CREBZF: variants seen among roughly 807,000 people sequenced by gnomAD.
The protein encoded by CREBZF is HCF-binding transcription factor Zhangfei.
A neutral mutation model predicts 21.1 loss-of-function variants in CREBZF; 8 were observed. The ratio of observed to expected loss-of-function variants is 0.38; its 90% CI spans 0.22 to 0.68. The LOEUF (loss-of-function observed/expected upper bound fraction) is 0.68, where lower values mean the gene tolerates loss of function less well. Ranked by LOEUF, CREBZF falls within the 30% of genes least tolerant of loss-of-function variation. The pLI, the probability that CREBZF is intolerant of heterozygous loss-of-function variation, is 0.51. For missense variants in CREBZF, 518 were observed against 484.3 expected, an observed-to-expected ratio of 1.07 and a Z score of -0.65; for synonymous variants, 270 against 223.3, an observed-to-expected ratio of 1.21 and a Z score of -1.86.
At position 85,662,681 on chromosome 11, in the gene CREBZF, A is replaced by C. The variant is rs1017872697; in HGVS notation, c.*1130T>G. On this transcript the variant is annotated 3_prime_UTR_variant, in exon 1 of 1. Coordinates refer to ENST00000527447, the MANE Select transcript of CREBZF (RefSeq NM_001039618.4). ...TCAATTTAAAAAATTATTTTAAAAT[A>C]GGACAAATACTTTTGAAACACAGAG... The C allele has an allele frequency of 2.6e-6, 1 of 391,846 alleles. No homozygotes were observed. Among genetic ancestry groups the C allele is most frequent in the African/African-American group, 2.0e-5 (1 of 49,322 alleles). 24.3% of individuals were successfully genotyped at this position (391,846 alleles called of 1,614,324 possible). A position where few individuals can be genotyped will look rare whatever the true frequency, so the allele number is the denominator to read the frequency against.
chr11:85,664,607 C>G lies in CREBZF; in HGVS notation c.269G>C (p.Ser90Thr). The change falls in exon 1 of 1, where the codon AGC (serine) becomes ACC (threonine). Residue 90 changes from serine (S) to threonine (T), a missense_variant. Transcript: ENST00000527447. This position sits in a 1 kb window ranked among gnomAD's most constrained non-coding sequence, Gnocchi z 5.5. ...ATCCTCCGTCTCTTCCCCCGGGAGG[C>G]TGGCGATCGCCTCCTCCTCCATCTC... ...PEEMEEEAIA[S>T]LPGEETEDMD... The G allele has an allele frequency of 6.2e-7, 1 of 1,613,692 alleles. No homozygotes were observed. Among genetic ancestry groups the G allele is most frequent in the Non-Finnish European group, 8.5e-7 (1 of 1,179,862 alleles).
At chr11:85,670,280 C>G (rs1378072898) in intron 1 of CREBZF, among the ~76,000 whole-genome samples, 3 of 120,228 alleles carry the variant, frequency 2.5e-5, no homozygotes, top group South Asian at 6.6e-4. Context: ...TCCCCCCCCC[C>G]CACAATAAGA....
Position 85,663,866 on chromosome 11 carries a change from G to A in CREBZF, c.1010C>T (p.Ser337Leu). ...GGCGCACGCCGAGCAGAACTCCACC[G>A]ACACCTTATCCTTGTCCACATGGAG... Reference protein sequence around the residue: ...VCLHVDKDKVSVEFCSACARK... With the variant: ...VCLHVDKDKVLVEFCSACARK... Residue 337 changes from serine (S) to leucine (L), a missense_variant, in exon 1 of 1, where the codon TCG (serine) becomes TTG (leucine). Physicochemically the swap from Ser to Leu is moderately radical, Grantham distance 145. This residue lies in a region of CREBZF where 114 missense variants were observed against 134.1 expected (regional missense o/e 0.85). Coordinates refer to ENST00000527447, the MANE Select transcript of CREBZF (RefSeq NM_001039618.4). 6.2e-7 allele frequency: 1 copy of A among 1,610,396 alleles called. No individual in the cohort carries two copies. The highest frequency in any genetic ancestry group is 1.1e-5 in the South Asian group (1 of 91,034).
intron 1 of CREBZF, among the ~76,000 whole-genome samples, chr11:85,675,296 A>G (rs544869045): frequency 6.6e-6 from 1 of 152,304 alleles, no homozygotes; most frequent in South Asian, 2.1e-4. Context: ...CTAGCTTTTG[A>G]CTTAAAGTGA....
rs1257019139 is a variant in CREBZF, at chr11:85,658,982, A to C, written c.*4829T>G. 2.0e-5 allele frequency among the ~76,000 whole-genome samples: 3 copies of C among 152,198 alleles called. No homozygotes were observed. The highest frequency in any genetic ancestry group is 4.4e-5 in the Non-Finnish European group (3 of 67,916). Reference sequence around the variant, plus strand: ...ATAAAGAGTGACTGGTGTTGAGAGTACTGAGGCTACACAGAGGTACTGAAA... The same window carrying C: ...ATAAAGAGTGACTGGTGTTGAGAGTCCTGAGGCTACACAGAGGTACTGAAA... On this transcript the variant is annotated 3_prime_UTR_variant, in exon 1 of 1. Coordinates refer to ENST00000527447, the MANE Select transcript of CREBZF (RefSeq NM_001039618.4).
chr11:85,670,182 A>G (rs981949692), intron 1 of CREBZF, among the ~76,000 whole-genome samples: 1 of 151,748 alleles, frequency 6.6e-6, no homozygotes, highest in African/African-American at 2.4e-5. Flanking sequence ...TCTAGCAAGC[A>G]TGTAATACAA....
At chr11:85,675,993 A>G (rs2082939814) in intron 1 of CREBZF, among the ~76,000 whole-genome samples, 1 of 152,220 alleles carries the variant, frequency 6.6e-6, no homozygotes, top group African/African-American at 2.4e-5. Context: ...CCACTCCTCT[A>G]ACTCCTTCTC....
chr11:85,682,682 C>T, intron 1 of CREBZF: 1 of 644,258 alleles, frequency 1.6e-6, no homozygotes, highest in Admixed American at 2.2e-5. Context: ...CCCTTGTAGA[C>T]CACACTCCAG....
rs951720679 is a variant in CREBZF, at chr11:85,659,454, T to G, written c.*4357A>C. Among the ~76,000 whole-genome samples, 1 of 152,054 alleles carries G rather than the reference T, an allele frequency of 6.6e-6. No homozygotes were observed. The highest frequency in any genetic ancestry group is 2.4e-5 in the African/African-American group (1 of 41,426). ...CATCAGCGCCTAAGTTTTAAGCCAG[T>G]GGGAATACTCTGCTGCCTGGCTTCA... is the stretch of plus-strand genomic sequence containing the variant. On this transcript the variant is annotated 3_prime_UTR_variant, in exon 1 of 1. Coordinates refer to ENST00000527447, the MANE Select transcript of CREBZF (RefSeq NM_001039618.4).
chr11:85,668,982 A>G (rs2082890833), upstream of CREBZF, among the ~76,000 whole-genome samples: 1 of 117,132 alleles, frequency 8.5e-6, no homozygotes, highest in African/African-American at 3.2e-5. Context: ...AGCCTGGGCG[A>G]CAGAGCGAGA....
chr11:85,674,283 AT>A (rs1267648204), intron 1 of CREBZF, among the ~76,000 whole-genome samples: 1 of 152,258 alleles, frequency 6.6e-6, no homozygotes, highest in Non-Finnish European at 1.5e-5. Context: ...GTAAGCAGGC[AT>A]AAAAACTTTA....
At position 85,664,609 on chromosome 11, in the gene CREBZF, G is replaced by A. The variant is rs755391007; in HGVS notation, c.267C>T (p.Ala89=). The change falls in exon 1 of 1, where the codon GCC becomes GCT. Residue 89 remains alanine (A), a synonymous_variant. Coordinates refer to ENST00000527447, the MANE Select transcript of CREBZF (RefSeq NM_001039618.4). This position sits in a 1 kb window ranked among gnomAD's most constrained non-coding sequence, Gnocchi z 5.5. ...CCTCCGTCTCTTCCCCCGGGAGGCT[G>A]GCGATCGCCTCCTCCTCCATCTCCT... ...SPEEMEEEAI[A]SLPGEETEDM... 2 of 1,613,650 alleles carry A rather than the reference G, an allele frequency of 1.2e-6. No individual in the cohort carries two copies. Among genetic ancestry groups the A allele is most frequent in the Non-Finnish European group, 1.7e-6 (2 of 1,179,866 alleles).
intron 1 of CREBZF, among the ~76,000 whole-genome samples, chr11:85,680,219 G>C (rs1420374574): frequency 6.6e-6 from 1 of 152,032 alleles, no homozygotes; most frequent in African/African-American, 2.4e-5. Context: ...CATATATCCT[G>C]GAGATAGTTC....
In CREBZF at chr11:85,660,157, T is replaced by C. The variant is rs2082634250; in HGVS notation, c.*3654A>G. On this transcript the variant is annotated 3_prime_UTR_variant, in exon 1 of 1. Transcript: ENST00000527447. ...TCCAGGAAATAAATACAAACTCATA[T>C]GCCTTGTGATCACTGATGGCCTGCT... is the stretch of plus-strand genomic sequence containing the variant. The C allele has an allele frequency of 6.4e-6, 1 of 156,480 alleles. No individual in the cohort carries two copies. The highest frequency in any genetic ancestry group is 1.4e-5 in the Non-Finnish European group (1 of 70,876). The allele number at this position is 156,480 out of a possible 1,614,324, so 9.7% of individuals were successfully genotyped here. A position where few individuals can be genotyped will look rare whatever the true frequency, so the allele number is the denominator to read the frequency against.
At chr11:85,673,427 A>G (rs78320625) in intron 1 of CREBZF, among the ~76,000 whole-genome samples, 11,270 of 152,222 alleles carry the variant, frequency 0.074, 552 homozygotes, top group East Asian at 0.1. Flanking sequence ...TGTTTACACT[A>G]TACTGTAGTC....
upstream of CREBZF, among the ~76,000 whole-genome samples, chr11:85,668,992 A>G (rs1461367925): frequency 1.8e-4 from 19 of 107,846 alleles, no homozygotes; most frequent in African/African-American, 6.9e-4. Flanking sequence ...ACAGAGCGAG[A>G]CTCCGTCTCA....
intron 1 of CREBZF, among the ~76,000 whole-genome samples, chr11:85,678,299 G>A (rs2153330236): frequency 6.6e-6 from 1 of 152,232 alleles, no homozygotes; most frequent in Non-Finnish European, 1.5e-5. Flanking sequence ...CAGGCCCTAG[G>A]GATGCTCACT....
chr11:85,671,630 C>G (rs1050537919), intron 1 of CREBZF, among the ~76,000 whole-genome samples: 1 of 152,252 alleles, frequency 6.6e-6, no homozygotes, highest in African/African-American at 2.4e-5. Flanking sequence ...AAAGGGGCTA[C>G]AGGCCCCATG....
At chr11:85,673,781 G>A (rs1057103414) in intron 1 of CREBZF, among the ~76,000 whole-genome samples, 8 of 152,126 alleles carry the variant, frequency 5.3e-5, no homozygotes, top group Admixed American at 2.0e-4. Context: ...CCAACCCTGC[G>A]GCTGCTTTAT....
Sources: gnomAD v4.1 joint callset for allele counts (sites outside exome capture counted in the v4.1 genomes callset) on GRCh38, gnomAD v4.1.1 for gene constraint, gnomAD v4.1.1 regional missense constraint, Gnocchi (gnomAD v3.1) non-coding constraint, MANE v1.5 for transcripts, NCBI Gene and HGNC (gene_info 2026-07-23, HGNC 2026-07-21) for gene names.